The following LIFR variants were observed in gnomAD, a reference collection of about 807,000 sequenced individuals.
LIFR encodes LIF receptor subunit alpha, also known as leukemia inhibitory factor receptor.
Under a neutral mutation model 122.2 loss-of-function variants are expected in LIFR, and 84 were observed. That is an observed-to-expected ratio of 0.69 (90% CI 0.58 to 0.82). The LOEUF (loss-of-function observed/expected upper bound fraction) is 0.82. Ranked by LOEUF, LIFR falls within the 40% of genes least tolerant of loss-of-function variation. The pLI is 0.00. For missense variants in LIFR, 1,294 were observed against 1,311.6 expected, an observed-to-expected ratio of 0.99 and a Z score of 0.21; for synonymous variants, 422 against 434.7, an observed-to-expected ratio of 0.97 and a Z score of 0.36.
At chr5:38,537,745 T>C (rs370446023) in intron 1 of LIFR, among the ~76,000 whole-genome samples, 4 of 152,378 alleles carry the variant, frequency 2.6e-5, no homozygotes, top group African/African-American at 7.2e-5. Flanking sequence ...CATATGTTTA[T>C]TGATAATTTG....
intron 11 of LIFR, among the ~76,000 whole-genome samples, chr5:38,501,695 C>G (rs1432084849): frequency 1.3e-5 from 2 of 151,758 alleles, no homozygotes; most frequent in Non-Finnish European, 2.9e-5. Flanking sequence ...GAGCCGAGAT[C>G]GCGCCATTGC....
At chr5:38,564,698 G>GTA (rs908875973) in intron 1 of LIFR, among the ~76,000 whole-genome samples, 7 of 142,018 alleles carry the variant, frequency 4.9e-5, no homozygotes, top group Admixed American at 2.1e-4. Flanking sequence ...ATATGCATAT[G>GTA]TATATATATA....
chr5:38,556,694 C>A (rs1748582620), upstream of LIFR: 1 of 144,840 alleles, frequency 6.9e-6, no homozygotes, highest in Non-Finnish European at 1.5e-5. Flanking sequence ...GGGGGCGCAG[C>A]GGGCCCGGCC....
upstream of LIFR, chr5:38,557,714 A>T (rs1336080286): frequency 6.5e-6 from 1 of 154,582 alleles, no homozygotes; most frequent in East Asian, 1.9e-4. Context: ...TTCCTTGTTG[A>T]TCATGTAATT....
Position 38,528,836 on chromosome 5 carries a change from A to C in LIFR, c.147T>G (p.Ala49=), listed in dbSNP as rs879807300. ...MNQVNSQKKG[A]PHDLKCVTNN... is the part of the protein sequence containing the mutation. ...TAGTTACACACTTCAAATCATGAGG[A>C]GCCCCTGGAGGAGACACACACACAC... The change falls in exon 3 of 20, where the codon GCT becomes GCG. Residue 49 remains alanine (A), a synonymous_variant. Coordinates refer to ENST00000453190, the MANE Select transcript of LIFR (RefSeq NM_001127671.2). The C allele has an allele frequency of 4.3e-5, 66 of 1,519,194 alleles. No homozygotes were observed. Among genetic ancestry groups the C allele is most frequent in the Non-Finnish European group, 5.6e-5 (62 of 1,115,772 alleles). 94.1% of individuals were successfully genotyped at this position (1,519,194 alleles called of 1,614,324 possible).
At chr5:38,574,177 C>T (rs1749308657) in intron 1 of LIFR, among the ~76,000 whole-genome samples, 1 of 152,062 alleles carries the variant, frequency 6.6e-6, no homozygotes, top group Admixed American at 6.6e-5. Context: ...AAAAGCCCGG[C>T]CTGCCACTGC....
rs754559989 is a variant in LIFR at position 38,530,615 on chromosome 5, T to C, written c.33A>G (p.Pro11=). The C allele has an allele frequency of 3.7e-6, 6 of 1,613,610 alleles. No individual in the cohort carries two copies. The highest frequency in any genetic ancestry group is 1.1e-5 in the South Asian group (1 of 91,066). The change falls in exon 2 of 20, where the codon CCA becomes CCG. Residue 11 remains proline (P), a synonymous_variant. Transcript: ENST00000453190. MMDIYVCLKR[P]SWMVDNKRMR... ...TTCTTTTATTGTCCACCATCCAGGA[T>C]GGTCGTTTCAAACATACGTAAATAT...
intron 1 of LIFR, chr5:38,595,043 G>A: frequency 5.5e-6 from 1 of 180,592 alleles, no homozygotes; most frequent in Non-Finnish European, 1.2e-5. Context: ...TCTGTAGGAT[G>A]CCAAGGATTG....
At chr5:38,599,417 G>GT (rs34641794), upstream of LIFR, among the ~76,000 whole-genome samples, 77,411 of 151,950 alleles carry the variant, frequency 0.51, 21,052 homozygotes, top group Non-Finnish European at 0.62. Flanking sequence ...GAAGTCCTCA[G>GT]GGTGCAGTTT....
At chr5:38,546,965 A>G (rs924992818) in intron 1 of LIFR, among the ~76,000 whole-genome samples, 3 of 152,180 alleles carry the variant, frequency 2.0e-5, no homozygotes, top group South Asian at 2.1e-4. Flanking sequence ...CAGCGACCCA[A>G]TGTCTACATG....
At chr5:38,588,421 T>C (rs1749818331) in intron 1 of LIFR, among the ~76,000 whole-genome samples, 1 of 152,218 alleles carries the variant, frequency 6.6e-6, no homozygotes, top group Non-Finnish European at 1.5e-5. Flanking sequence ...TGTCTAATCA[T>C]TCCCCGTGGC....
chr5:38,576,398 C>G (rs949215916), intron 1 of LIFR, among the ~76,000 whole-genome samples: 1 of 152,164 alleles, frequency 6.6e-6, no homozygotes. Flanking sequence ...GCCAGAGTTC[C>G]TATGATTATC....
At chr5:38,500,410 T>C (rs1745117045) in intron 11 of LIFR, among the ~76,000 whole-genome samples, 1 of 152,220 alleles carries the variant, frequency 6.6e-6, no homozygotes, top group Admixed American at 6.5e-5. Context: ...TAATGAAATA[T>C]CTTGGAGGAT....
Position 38,546,411 on chromosome 5 carries a change from TA to T in LIFR, c.-20+9922del, listed in dbSNP as rs148363378. On this transcript the variant is annotated intron_variant, in intron 1 of 19. Transcript: ENST00000453190. ...ATGTGTTTTGTTTGAACCATATACA[TA>T]AAAAAAACAAAATTTAAAAACCCTT... 0.012 allele frequency among the ~76,000 whole-genome samples: 1,774 copies of T among 151,802 alleles called. 182 individuals carry two copies. The East Asian group carries it at 0.25, about 22-fold the overall frequency.
intron 1 of LIFR, among the ~76,000 whole-genome samples, chr5:38,576,444 T>C (rs1749388998): frequency 6.6e-6 from 1 of 152,232 alleles, no homozygotes; most frequent in Admixed American, 6.5e-5. Context: ...CTTGGCACTC[T>C]TGACATCCAG....
chr5:38,481,818 T>C lies in LIFR; in HGVS notation c.3071A>G (p.Lys1024Arg). 1.2e-6 allele frequency: 2 copies of C among 1,614,158 alleles called. No individual in the cohort carries two copies. Among genetic ancestry groups the C allele is most frequent in the Non-Finnish European group, 1.7e-6 (2 of 1,180,026 alleles). Reference protein sequence around the residue: ...EDIAAEEDLDKTAGYRPQANV... With the variant: ...EDIAAEEDLDRTAGYRPQANV... Reference sequence around the variant, plus strand: ...GGCCTGAGGTCTGTAACCCGCAGTTTTATCTAAGTCCTCTTCTGCAGCTAT... The same window carrying C: ...GGCCTGAGGTCTGTAACCCGCAGTTCTATCTAAGTCCTCTTCTGCAGCTAT... The change falls in exon 20 of 20, where the codon AAA becomes AGA. Residue 1024 changes from lysine to arginine, a missense_variant. Transcript: ENST00000453190.
intron 3 of LIFR, among the ~76,000 whole-genome samples, chr5:38,527,873 T>A (rs1003743648): frequency 6.6e-6 from 1 of 152,176 alleles, no homozygotes; most frequent in Non-Finnish European, 1.5e-5. Flanking sequence ...CTTATACTGT[T>A]GTTCATATAT....
At chr5:38,537,837 GAAAA>G (rs369445953) in intron 1 of LIFR, among the ~76,000 whole-genome samples, 1 of 151,696 alleles carries the variant, frequency 6.6e-6, no homozygotes, top group South Asian at 2.1e-4. Flanking sequence ...TGATTGCTAA[GAAAA>G]AAAATCTTAA....
At chr5:38,564,060 T>A (rs533774317) in intron 1 of LIFR, among the ~76,000 whole-genome samples, 3 of 152,290 alleles carry the variant, frequency 2.0e-5, no homozygotes, top group South Asian at 2.1e-4. Flanking sequence ...CTGTCCTTTG[T>A]CTCTGTAGGG....
Sources: gnomAD v4.1 joint callset for allele counts (sites outside exome capture counted in the v4.1 genomes callset) on GRCh38, gnomAD v4.1.1 for gene constraint, MANE v1.5 for transcripts, NCBI Gene and HGNC (gene_info 2026-07-23, HGNC 2026-07-21) for gene names.